Variants in NOS2 observed in about 807,000 individuals in gnomAD.
The protein encoded by NOS2 is nitric oxide synthase 2.
NOS2 carries 96 observed loss-of-function variants against 136.0 expected under a neutral mutation model. The ratio of observed to expected loss-of-function variants is 0.71; its 90% CI spans 0.60 to 0.84. The LOEUF is 0.84. NOS2 is among the 40% of genes least tolerant of loss of function. The probability of loss-of-function intolerance (pLI) is 0.00; values close to 1 mark genes in which losing one functional copy is unlikely to be tolerated. For missense variants in NOS2, 1,237 were observed against 1,496.9 expected, an observed-to-expected ratio of 0.83 and a Z score of 2.87; for synonymous variants, 539 against 587.5, an observed-to-expected ratio of 0.92 and a Z score of 1.20.
intron 9 of NOS2, among the ~76,000 whole-genome samples, chr17:27,779,313 T>C (rs1908767131): frequency 6.8e-6 from 1 of 147,648 alleles, no homozygotes; most frequent in Non-Finnish European, 1.5e-5. Flanking sequence ...ATTATTATTA[T>C]TATTATTATT....
At chr17:27,776,432 G>T (rs1487446226) in intron 11 of NOS2, among the ~76,000 whole-genome samples, 1 of 152,080 alleles carries the variant, frequency 6.6e-6, no homozygotes, top group African/African-American at 2.4e-5. Flanking sequence ...CAGCACTTTG[G>T]GAGGCAGAGA....
In NOS2 at chr17:27,778,724, A is replaced by G. The variant is rs1355832560; in HGVS notation, c.1247T>C (p.Val416Ala). 1.9e-6 allele frequency: 3 copies of G among 1,614,226 alleles called. No homozygotes were observed. Among genetic ancestry groups the G allele is most frequent in the Non-Finnish European group, 2.5e-6 (3 of 1,180,030 alleles). Residue 416 changes from valine to alanine, a missense_variant, in exon 11 of 27, where the codon GTT (valine) becomes GCT (alanine). Physicochemically the swap from Val to Ala is moderately conservative, Grantham distance 64. Coordinates refer to ENST00000313735, the MANE Select transcript of NOS2 (RefSeq NM_000625.4). ...ATGGAGCACAGCAATGTTGATCTCAACGACAGCCTGGTCTTTCCAGAGCGA... is the reference window on the plus strand; with the variant it reads ...ATGGAGCACAGCAATGTTGATCTCAGCGACAGCCTGGTCTTTCCAGAGCGA... ...LASLWKDQAV[V>A]EINIAVLHSF...
intron 26 of NOS2, 82 bp downstream of exon 26, chr17:27,758,799 G>A (rs371136301): frequency 5.5e-6 from 6 of 1,100,862 alleles, no homozygotes; most frequent in African/African-American, 1.6e-5. Context: ...GATTCCCCTG[G>A]GTCTACCTGC....
intron 1 of NOS2, among the ~76,000 whole-genome samples, chr17:27,799,603 G>C (rs1006401114): frequency 9.2e-5 from 14 of 152,204 alleles, no homozygotes; most frequent in Non-Finnish European, 2.9e-5. Context: ...CAGCATTTCG[G>C]GAGACCGAGG....
At chr17:27,761,324 G>C in intron 22 of NOS2, 93 bp from the exon 23 acceptor site, 1 of 922,528 alleles carries the variant, frequency 1.1e-6, no homozygotes, top group Non-Finnish European at 1.7e-6. Flanking sequence ...CTCCTTGGAC[G>C]CCCCCACTCA....
chr17:27,781,195 A>G lies in NOS2; in HGVS notation c.723-18T>C. On this transcript the variant is annotated intron_variant, in intron 7 of 26. Coordinates refer to ENST00000313735, the MANE Select transcript of NOS2 (RefSeq NM_000625.4). Reference sequence around the variant, plus strand: ...TGGCCGACCTTCCCAGGACAGGAACAGTACTGTTTACCACCTAGCCCTGGT... The same window carrying G: ...TGGCCGACCTTCCCAGGACAGGAACGGTACTGTTTACCACCTAGCCCTGGT... The G allele has an allele frequency of 6.3e-7, 1 of 1,598,242 alleles. No individual in the cohort carries two copies. The highest frequency in any genetic ancestry group is 8.5e-7 in the Non-Finnish European group (1 of 1,177,104).
At position 27,760,137 on chromosome 17, in the gene NOS2, G is replaced by T. The variant is rs149201685; in HGVS notation, c.3052C>A (p.Arg1018Ser). The T allele has an allele frequency of 2.5e-4, 393 of 1,602,948 alleles. 6 individuals carry two copies. In the South Asian group the frequency reaches 3.0e-3, roughly 12 times the overall value. The stretch of plus-strand genomic sequence containing the variant: ...TGGTAGATGTGGTCCTCATCTGGGC[G>T]GCGGCACCCAAACACCAAGGTCATG... ...GRMTLVFGCR[R>S]PDEDHIYQEE... is the part of the protein sequence containing the mutation. Residue 1018 changes from arginine (R) to serine (S), a missense_variant, in exon 25 of 27, where the codon CGC becomes AGC. Arg to Ser is a moderately radical substitution (Grantham distance 110, BLOSUM62 -1). Transcript: ENST00000313735.
At chr17:27,792,314 A>T (rs764090086) in intron 2 of NOS2, among the ~76,000 whole-genome samples, 28 of 152,160 alleles carry the variant, frequency 1.8e-4, no homozygotes, top group Non-Finnish European at 3.7e-4. Context: ...ACCTCGAGGG[A>T]ATGTTAGTAA....
Position 27,760,638 on chromosome 17 carries a change from C to T in NOS2, c.2995G>A (p.Asp999Asn). The change falls in exon 24 of 27, where the codon GAC (aspartate) becomes AAC (asparagine). Residue 999 changes from aspartate (D) to asparagine (N), a missense_variant. By Grantham distance (23) the Asp-to-Asn change is conservative (BLOSUM62 1). Transcript: ENST00000313735. Reference sequence around the variant, plus strand: ...CCAGCCTTACCCTTGTGCTGGGAGTCATGGAGCCGTTGCTGCCAGAAACTG... The same window carrying T: ...CCAGCCTTACCCTTGTGCTGGGAGTTATGGAGCCGTTGCTGCCAGAAACTG... ...FRSFWQQRLH[D>N]SQHKGVRGGR... is the part of the protein sequence containing the mutation. 6.4e-7 allele frequency: 1 copy of T among 1,553,762 alleles called. No homozygotes were observed. Among genetic ancestry groups the T allele is most frequent in the Non-Finnish European group, 8.7e-7 (1 of 1,148,220 alleles).
At chr17:27,796,171 G>T (rs184931817) in intron 2 of NOS2, among the ~76,000 whole-genome samples, 1 of 152,258 alleles carries the variant, frequency 6.6e-6, no homozygotes, top group East Asian at 1.9e-4. Context: ...GAAAAAAGAA[G>T]CCTAGGTGCG....
At position 27,788,791 on chromosome 17, in the gene NOS2, C is replaced by T; in HGVS notation, c.318+18G>A. On this transcript the variant is annotated intron_variant, in intron 4 of 26. Transcript: ENST00000313735. Reference sequence around the variant, plus strand: ...CAGCTTGGGACAAAGGTGGTTCTCCCTGAAGCCCCAGACTTACCCCTTTGG... The same window carrying T: ...CAGCTTGGGACAAAGGTGGTTCTCCTTGAAGCCCCAGACTTACCCCTTTGG... 1 of 1,605,556 alleles carries T rather than the reference C, an allele frequency of 6.2e-7. No individual in the cohort carries two copies. The highest frequency in any genetic ancestry group is 8.5e-7 in the Non-Finnish European group (1 of 1,173,794).
In NOS2 at chr17:27,797,134, T is replaced by C. The variant is rs28998806; in HGVS notation, c.110+1566A>G. Among the ~76,000 whole-genome samples the C allele has an allele frequency of 4.6e-5, 7 of 152,244 alleles. No individual in the cohort carries two copies. In the East Asian group the frequency reaches 1.3e-3, roughly 29 times the overall value. The stretch of plus-strand genomic sequence containing the variant: ...TTCTGCCTCTGAGCCTCTGCTCACC[T>C]CTCCCCTCTTCCTGAATGTCCTTGC... On this transcript the variant is annotated intron_variant, in intron 2 of 26. Transcript: ENST00000313735.
intron 11 of NOS2, 64 bp downstream of exon 11, chr17:27,778,626 A>T: frequency 1.5e-6 from 2 of 1,300,326 alleles, no homozygotes; most frequent in Non-Finnish European, 1.1e-6. Context: ...AGCATCACAT[A>T]AGTCACTGGA....
chr17:27,788,387 A>C (rs1378423897), intron 4 of NOS2, among the ~76,000 whole-genome samples: 7 of 152,188 alleles, frequency 4.6e-5, no homozygotes, highest in Admixed American at 1.3e-4. Flanking sequence ...GCCTGAAAAG[A>C]CATTTAGTCC....
chr17:27,789,037 T>TGTCCCTCCAC, intron 3 of NOS2, 106 bp from the exon 4 acceptor site: 1 of 1,441,242 alleles, frequency 6.9e-7, no homozygotes. Context: ...CAGGGCAGGG[T>TGTCCCTCCAC]GTCCCTCCAC....
chr17:27,792,815 CAAA>C (rs34992777), intron 2 of NOS2, among the ~76,000 whole-genome samples: 2 of 52,512 alleles, frequency 3.8e-5, no homozygotes, highest in African/African-American at 1.7e-4. Flanking sequence ...CCTATCTCTA[CAAA>C]AAAAAAAAAA....
At chr17:27,773,419 C>A (rs1908563042) in intron 12 of NOS2, among the ~76,000 whole-genome samples, 176 bp from the exon 13 acceptor site, 1 of 152,248 alleles carries the variant, frequency 6.6e-6, no homozygotes, top group Non-Finnish European at 1.5e-5. Flanking sequence ...TGCCTCTCCC[C>A]CAGAGTTGCC....
chr17:27,794,714 G>GCGCGCA (rs371758052), intron 2 of NOS2, among the ~76,000 whole-genome samples: 23 of 145,506 alleles, frequency 1.6e-4, no homozygotes, highest in African/African-American at 5.8e-4. Flanking sequence ...ACACACACGC[G>GCGCGCA]CACACACACA....
chr17:27,778,171 C>T (rs573230497), intron 11 of NOS2, among the ~76,000 whole-genome samples: 11 of 151,426 alleles, frequency 7.3e-5, no homozygotes, highest in East Asian at 1.9e-4. Flanking sequence ...GGGGTGAGGG[C>T]GTCATTTTAC....
Sources: allele counts gnomAD v4.1 joint callset (sites outside exome capture counted in the v4.1 genomes callset), GRCh38; gene constraint gnomAD v4.1.1; transcripts MANE v1.5; gene names NCBI Gene and HGNC (gene_info 2026-07-23, HGNC 2026-07-21).